Variants in CCAR1 observed in about 807,000 individuals in gnomAD.
The protein encoded by CCAR1 is cell division cycle and apoptosis regulator protein 1.
In CCAR1, 78 loss-of-function variants were observed where a neutral mutation model predicts 163.8. The ratio of observed to expected loss-of-function variants is 0.48; its 90% CI spans 0.40 to 0.57. The LOEUF is 0.57. Among genes scored for constraint, CCAR1 ranks in the 20% least tolerant of loss-of-function variants. The pLI is 0.00. For synonymous variants in CCAR1, 443 were observed against 460.7 expected, an observed-to-expected ratio of 0.96 and a Z score of 0.49; for missense variants, 1,019 against 1,365.2, an observed-to-expected ratio of 0.75 and a Z score of 4.00.
intron 18 of CCAR1, among the ~76,000 whole-genome samples, chr10:68,772,680 C>T (rs910539372): frequency 2.6e-5 from 4 of 151,138 alleles, no homozygotes; most frequent in African/African-American, 9.7e-5. Context: ...ATCACTTGAA[C>T]CTGGGAGGTG....
intron 1 of CCAR1, among the ~76,000 whole-genome samples, chr10:68,721,909 A>G (rs2055865032): frequency 6.6e-6 from 1 of 151,994 alleles, no homozygotes; most frequent in Admixed American, 6.6e-5. Flanking sequence ...CATTATCTCA[A>G]CGGCCTTTTC....
At position 68,761,101 on chromosome 10, in the gene CCAR1, T is replaced by G. The variant is rs746245173; in HGVS notation, c.2015T>G (p.Val672Gly). ...LIARLTKQLK[V>G]EEQKEEQKEL... is the part of the protein sequence containing the mutation. Reference sequence around the variant, plus strand: ...GCCCGATTGACAAAACAGCTTAAAGTAGAGGAACAAAAAGAAGAACAGAAG... The same window carrying G: ...GCCCGATTGACAAAACAGCTTAAAGGAGAGGAACAAAAAGAAGAACAGAAG... The change falls in exon 16 of 25, where the codon GTA becomes GGA. Residue 672 changes from valine to glycine, a missense_variant. By Grantham distance (109) the Val-to-Gly change is moderately radical. Coordinates refer to ENST00000265872, the MANE Select transcript of CCAR1 (RefSeq NM_018237.4). 3.2e-5 allele frequency: 52 copies of G among 1,609,330 alleles called. No homozygotes were observed. The highest frequency in any genetic ancestry group is 4.3e-5 in the Non-Finnish European group (51 of 1,177,862).
chr10:68,752,057 C>T (rs2056339485), intron 10 of CCAR1, among the ~76,000 whole-genome samples: 1 of 150,704 alleles, frequency 6.6e-6, no homozygotes, highest in Non-Finnish European at 1.5e-5. Context: ...GCTGGGACTA[C>T]AGGCGCCCGC....
At chr10:68,769,273 C>T (rs1387664513) in intron 17 of CCAR1, among the ~76,000 whole-genome samples, 5 of 152,182 alleles carry the variant, frequency 3.3e-5, no homozygotes, top group African/African-American at 1.2e-4. Context: ...CATGCGTGGC[C>T]CGTTTTAGCC....
chr10:68,761,172 A>G lies in CCAR1; in HGVS notation c.2086A>G (p.Lys696Glu), dbSNP rs2056465210. 6.2e-7 allele frequency: 1 copy of G among 1,601,332 alleles called. No individual in the cohort carries two copies. The highest frequency in any genetic ancestry group is 8.5e-7 in the Non-Finnish European group (1 of 1,175,346). The change falls in exon 16 of 25, where the codon AAA (lysine) becomes GAA (glutamate). Residue 696 changes from lysine to glutamate, a missense_variant. Around this residue, in one of 4 missense-constraint regions of CCAR1, gnomAD observed 644 missense variants for 904.4 expected, o/e 0.71. Coordinates refer to ENST00000265872, the MANE Select transcript of CCAR1 (RefSeq NM_018237.4). ...EKEEDEDDDRKSEDDKEEEER... is the reference protein window; with the variant it reads ...EKEEDEDDDRESEDDKEEEER... Reference sequence around the variant, plus strand: ...AGAAGAGGATGAGGATGATGATAGGAAATCTGAAGACGATAAAGAGGTATG... The same window carrying G: ...AGAAGAGGATGAGGATGATGATAGGGAATCTGAAGACGATAAAGAGGTATG...
intron 16 of CCAR1, among the ~76,000 whole-genome samples, chr10:68,763,966 A>G (rs757901722): frequency 1.3e-5 from 2 of 152,212 alleles, no homozygotes; most frequent in Non-Finnish European, 2.9e-5. Context: ...GAAGAATGGT[A>G]TTTAGAATCC....
At chr10:68,778,342 T>TAG (rs2056693643) in intron 19 of CCAR1, among the ~76,000 whole-genome samples, 1 of 152,234 alleles carries the variant, frequency 6.6e-6, no homozygotes, top group Non-Finnish European at 1.5e-5. Context: ...GCTTCTATGT[T>TAG]AGGAGATTTA....
intron 19 of CCAR1, chr10:68,775,046 GA>G: frequency 3.2e-6 from 1 of 313,538 alleles, no homozygotes. Context: ...ATTGTTTAAT[GA>G]AAAAGTTGAA....
At chr10:68,764,580 T>C (rs977437633) in intron 16 of CCAR1, among the ~76,000 whole-genome samples, 14 of 152,068 alleles carry the variant, frequency 9.2e-5, no homozygotes, top group Non-Finnish European at 7.4e-5. Flanking sequence ...CACAAACCCT[T>C]ACCAAGTTGC....
At chr10:68,731,015 C>CTG (rs1296251612) in intron 2 of CCAR1, among the ~76,000 whole-genome samples, 3 of 152,086 alleles carry the variant, frequency 2.0e-5, no homozygotes, top group African/African-American at 7.2e-5. Flanking sequence ...AGTAGATAGC[C>CTG]TGTGGTCATT....
At chr10:68,771,137 T>A in intron 17 of CCAR1, 69 bp from the exon 18 acceptor site, 8 of 1,379,394 alleles carry the variant, frequency 5.8e-6, no homozygotes, top group Non-Finnish European at 7.9e-6. Flanking sequence ...TTTTATTTGC[T>A]AAATTACTCT....
At chr10:68,731,348 G>T (rs2056034934) in intron 2 of CCAR1, among the ~76,000 whole-genome samples, 1 of 152,116 alleles carries the variant, frequency 6.6e-6, no homozygotes, top group Non-Finnish European at 1.5e-5. Flanking sequence ...TGTCCACAAA[G>T]GGGAGCATTA....
intron 19 of CCAR1, 25 bp downstream of exon 19, chr10:68,773,124 T>A (rs1294907643): frequency 8.7e-7 from 1 of 1,155,136 alleles, no homozygotes; most frequent in Non-Finnish European, 1.3e-6. Flanking sequence ...TATTTATTAC[T>A]TCTTAGAGTT....
In CCAR1 at chr10:68,791,402, T is replaced by A. The variant is rs1000289002; in HGVS notation, c.*136T>A. ...TTTAGTTCAAATGATGTATAAAGTT[T>A]TATGAATGTGAGTTTCTGCTTTTGA... On this transcript the variant is annotated 3_prime_UTR_variant, in exon 25 of 25. Coordinates refer to ENST00000265872, the MANE Select transcript of CCAR1 (RefSeq NM_018237.4). The A allele has an allele frequency of 3.9e-6, 2 of 508,750 alleles. No homozygotes were observed. The highest frequency in any genetic ancestry group is 4.0e-5 in the Admixed American group (1 of 24,934). 31.5% of individuals were successfully genotyped at this position (508,750 alleles called of 1,614,324 possible).
At chr10:68,750,636 G>C (rs1789023253) in intron 10 of CCAR1, among the ~76,000 whole-genome samples, 1 of 152,170 alleles carries the variant, frequency 6.6e-6, no homozygotes, top group African/African-American at 2.4e-5. Flanking sequence ...GTGTGTGGCA[G>C]TTGTATAGTC....
At chr10:68,755,024 G>A in intron 12 of CCAR1, 197 bp downstream of exon 12, 1 of 589,426 alleles carries the variant, frequency 1.7e-6, no homozygotes, top group Non-Finnish European at 3.0e-6. Context: ...TACGCTACTA[G>A]TTCAACAGTC....
chr10:68,769,921 AC>A (rs541137366), intron 17 of CCAR1, among the ~76,000 whole-genome samples: 137 of 148,986 alleles, frequency 9.2e-4, no homozygotes, highest in African/African-American at 3.3e-3. Flanking sequence ...AGCCTTGGTG[AC>A]AGAGCAAGAC....
chr10:68,770,762 A>G lies in CCAR1; in HGVS notation c.2299-444A>G, dbSNP rs116054913. Among the ~76,000 whole-genome samples, 438 of 152,118 alleles carry G rather than the reference A, an allele frequency of 2.9e-3. 7 individuals are homozygous for G. Among genetic ancestry groups the G allele is most frequent in the African/African-American group, 9.9e-3 (412 of 41,516 alleles). Reference sequence around the variant, plus strand: ...TGTCTAGAAAAAAATAAAAATAAAAAAGATTAATGGTTGTGTTAAAATGTT... The same window carrying G: ...TGTCTAGAAAAAAATAAAAATAAAAGAGATTAATGGTTGTGTTAAAATGTT... On this transcript the variant is annotated intron_variant, in intron 17 of 24. Coordinates refer to ENST00000265872, the MANE Select transcript of CCAR1 (RefSeq NM_018237.4).
intron 2 of CCAR1, among the ~76,000 whole-genome samples, chr10:68,734,168 G>T (rs1292093442): frequency 6.6e-6 from 1 of 151,994 alleles, no homozygotes; most frequent in Non-Finnish European, 1.5e-5. Context: ...TAGGGTACCT[G>T]CCTTTGGTCG....
Sources: gnomAD v4.1 joint callset for allele counts (sites outside exome capture counted in the v4.1 genomes callset) on GRCh38, gnomAD v4.1.1 for gene constraint, gnomAD v4.1.1 regional missense constraint, MANE v1.5 for transcripts, NCBI Gene and HGNC (gene_info 2026-07-23, HGNC 2026-07-21) for gene names.